The following SMG6 variants were observed in gnomAD, a reference collection of about 807,000 sequenced individuals.
The protein encoded by SMG6 is telomerase-binding protein EST1A.
A neutral mutation model predicts 142.2 loss-of-function variants in SMG6; 66 were observed. The observed-to-expected ratio is 0.46, with a 90% CI of 0.38 to 0.57. SMG6 has a LOEUF of 0.57. Ranked by LOEUF, SMG6 falls within the 20% of genes least tolerant of loss-of-function variation. The pLI is 0.00. For synonymous variants in SMG6, 779 were observed against 702.4 expected (o/e 1.11, Z -1.72); for missense variants, 1,793 against 1,832.0 (o/e 0.98, Z 0.39).
intron 8 of SMG6, among the ~76,000 whole-genome samples, chr17:2,250,234 G>C (rs1321019123): frequency 6.6e-6 from 1 of 152,136 alleles, no homozygotes; most frequent in Admixed American, 6.6e-5. Context: ...TGCTTCTACA[G>C]AGTCGTGTGA....
chr17:2,112,234 G>T (rs2069344367), intron 13 of SMG6, among the ~76,000 whole-genome samples: 1 of 151,930 alleles, frequency 6.6e-6, no homozygotes, highest in Non-Finnish European at 1.5e-5. Context: ...GCCGGGCGCG[G>T]TGGCTCACGC....
At chr17:2,067,015 A>G (rs573875166) in intron 16 of SMG6, among the ~76,000 whole-genome samples, 12 of 152,300 alleles carry the variant, frequency 7.9e-5, no homozygotes, top group Middle Eastern at 3.4e-3. Flanking sequence ...ACGTGAGTCT[A>G]CCAAGGAAAG....
At chr17:2,252,282 C>A (rs551085200) in intron 8 of SMG6, among the ~76,000 whole-genome samples, 4 of 152,020 alleles carry the variant, frequency 2.6e-5, no homozygotes, top group African/African-American at 9.6e-5. Context: ...TGCCTATAGT[C>A]CCAGCTACTC....
At chr17:2,152,931 T>A (rs1225169596) in intron 13 of SMG6, among the ~76,000 whole-genome samples, 1 of 152,154 alleles carries the variant, frequency 6.6e-6, no homozygotes, top group African/African-American at 2.4e-5. Flanking sequence ...ATAGCCCAAA[T>A]GTTCAACTGG....
At chr17:2,144,337 G>A (rs1427508028) in intron 13 of SMG6, among the ~76,000 whole-genome samples, 1 of 152,036 alleles carries the variant, frequency 6.6e-6, no homozygotes, top group Non-Finnish European at 1.5e-5. Context: ...AACATGCTGC[G>A]GTTACAGGCG....
chr17:2,212,192 A>G (rs1567687037), intron 10 of SMG6, among the ~76,000 whole-genome samples: 1 of 152,210 alleles, frequency 6.6e-6, no homozygotes, highest in Non-Finnish European at 1.5e-5. Context: ...TTTCAAATGC[A>G]TTTTCCAATG....
At chr17:2,203,686 T>G (rs1286407915) in intron 10 of SMG6, among the ~76,000 whole-genome samples, 2 of 152,068 alleles carry the variant, frequency 1.3e-5, no homozygotes, top group Admixed American at 1.3e-4. Flanking sequence ...TAGAAGGAAG[T>G]TTTCCTGTTA....
In SMG6 at chr17:2,191,245, A is replaced by G. The variant is rs191812101; in HGVS notation, c.2870-2730T>C. ...TCATGGGCTGCTCTTGGCCTCACGT[A>G]GGCTTCCACAGGCTAGAAACCGTAA... On this transcript the variant is annotated intron_variant, in intron 10 of 18. Transcript: ENST00000263073. Among the ~76,000 whole-genome samples the G allele has an allele frequency of 6.6e-5, 10 of 152,314 alleles. No individual in the cohort carries two copies. In the East Asian group the frequency reaches 1.9e-3, roughly 29 times the overall value.
Position 2,059,988 on chromosome 17 carries a change from T to C in SMG6, c.*1504A>G, listed in dbSNP as rs571374034. 2 of 152,396 alleles carry C rather than the reference T, an allele frequency of 1.3e-5. No individual in the cohort carries two copies. Among genetic ancestry groups the C allele is most frequent in the African/African-American group, 4.8e-5 (2 of 41,578 alleles). 9.4% of individuals were successfully genotyped at this position (152,396 alleles called of 1,614,324 possible). Reference sequence around the variant, plus strand: ...CTTAAAGGAGAGGCCGGGGACCCTGTACTCCAAAGAGCCCAGTCTTCTGAG... The same window carrying C: ...CTTAAAGGAGAGGCCGGGGACCCTGCACTCCAAAGAGCCCAGTCTTCTGAG... On this transcript the variant is annotated 3_prime_UTR_variant, in exon 19 of 19. Coordinates refer to ENST00000263073, the MANE Select transcript of SMG6 (RefSeq NM_017575.5).
Position 2,230,305 on chromosome 17 carries a change from C to CAAAA in SMG6, c.2869+6183_2869+6186dup, listed in dbSNP as rs869124628. 1.2e-4 allele frequency among the ~76,000 whole-genome samples: 2 copies of CAAAA among 16,272 alleles called. 1 individual carries two copies. The highest frequency in any genetic ancestry group is 5.2e-4 in the African/African-American group (2 of 3,834). 10.7% of individuals were successfully genotyped at this position (16,272 alleles called of 152,430 possible). On this transcript the variant is annotated intron_variant, in intron 10 of 18. Coordinates refer to ENST00000263073, the MANE Select transcript of SMG6 (RefSeq NM_017575.5). The stretch of plus-strand genomic sequence containing the variant: ...CCTTCAGAATAAGTCCATGTCGGGG[C>CAAAA]AAAAAAAAAAAAAAAAAAAAAAAAA...
Position 2,237,641 on chromosome 17 carries a change from G to A in SMG6, c.2724-1004C>T. Reference sequence around the variant, plus strand: ...AGTGCCACTCCCAATACAGGAAGAGGCTGTAACGCAGGGAGGCAGAAATCT... The same window carrying A: ...AGTGCCACTCCCAATACAGGAAGAGACTGTAACGCAGGGAGGCAGAAATCT... On this transcript the variant is annotated intron_variant, in intron 9 of 18. Coordinates refer to ENST00000263073, the MANE Select transcript of SMG6 (RefSeq NM_017575.5). 4 of 843,294 alleles carry A rather than the reference G, an allele frequency of 4.7e-6. No individual in the cohort carries two copies. In the South Asian group the frequency reaches 2.2e-4, roughly 46 times the overall value. 52.2% of individuals were successfully genotyped at this position (843,294 alleles called of 1,614,324 possible).
Position 2,237,462 on chromosome 17 carries a change from G to A in SMG6, c.2724-825C>T, listed in dbSNP as rs1159594813. The A allele has an allele frequency of 2.8e-5, 27 of 966,542 alleles. No homozygotes were observed. The East Asian group carries it at 1.8e-3, about 66-fold the overall frequency. 59.9% of individuals were successfully genotyped at this position (966,542 alleles called of 1,614,324 possible). A position where few individuals can be genotyped will look rare whatever the true frequency, so the allele number is the denominator to read the frequency against. The stretch of plus-strand genomic sequence containing the variant: ...TATCACACTGACTGTTCCGCCTAAC[G>A]ATCCCAAATTTCCCCTTGAAGAATG... On this transcript the variant is annotated intron_variant, in intron 9 of 18. Transcript: ENST00000263073.
intron 13 of SMG6, among the ~76,000 whole-genome samples, chr17:2,103,507 G>A (rs1003249758): frequency 6.6e-6 from 1 of 152,176 alleles, no homozygotes; most frequent in African/African-American, 2.4e-5. Flanking sequence ...GCTACAGAGC[G>A]GAAAATTTCT....
intron 13 of SMG6, among the ~76,000 whole-genome samples, chr17:2,104,008 A>G (rs2069084552): frequency 6.6e-6 from 1 of 151,304 alleles, no homozygotes; most frequent in Non-Finnish European, 1.5e-5. Flanking sequence ...CAGGAGTGTA[A>G]TGGCACGATC....
chr17:2,205,956 G>C (rs1297770372), intron 10 of SMG6, among the ~76,000 whole-genome samples: 1 of 152,092 alleles, frequency 6.6e-6, no homozygotes, highest in East Asian at 1.9e-4. Flanking sequence ...CTACAGATGT[G>C]TGCCACCATG....
intron 13 of SMG6, among the ~76,000 whole-genome samples, chr17:2,131,215 A>G (rs1429077067): frequency 2.0e-5 from 3 of 152,198 alleles, no homozygotes; most frequent in Admixed American, 2.0e-4. Context: ...GAGAGACTAG[A>G]GACTAGTGTA....
chr17:2,228,564 C>G (rs2073382495), intron 10 of SMG6, among the ~76,000 whole-genome samples: 2 of 151,878 alleles, frequency 1.3e-5, no homozygotes, highest in Admixed American at 1.3e-4. Context: ...GGTTTCCCCA[C>G]GTTGACCAGG....
chr17:2,079,654 G>C (rs573252270), intron 15 of SMG6, among the ~76,000 whole-genome samples: 2 of 152,072 alleles, frequency 1.3e-5, no homozygotes, highest in East Asian at 3.9e-4. Context: ...AAGCTGTTTT[G>C]AGGATCATGC....
Position 2,061,400 on chromosome 17 carries a change from G to A in SMG6, c.*92C>T. The A allele has an allele frequency of 1.6e-6, 2 of 1,275,082 alleles. No individual in the cohort carries two copies. The highest frequency in any genetic ancestry group is 1.1e-6 in the Non-Finnish European group (1 of 928,176). 79.0% of individuals were successfully genotyped at this position (1,275,082 alleles called of 1,614,324 possible). On this transcript the variant is annotated 3_prime_UTR_variant, in exon 19 of 19. Coordinates refer to ENST00000263073, the MANE Select transcript of SMG6 (RefSeq NM_017575.5). ...GGTTTATTGTCTGGGTGGATTGGTGGCTCAGGCACGTGGGCATCTTCCGTG... is the reference window on the plus strand; with the variant it reads ...GGTTTATTGTCTGGGTGGATTGGTGACTCAGGCACGTGGGCATCTTCCGTG...
Sources: gnomAD v4.1 joint callset for allele counts (sites outside exome capture counted in the v4.1 genomes callset) on GRCh38, gnomAD v4.1.1 for gene constraint, MANE v1.5 for transcripts, NCBI Gene and HGNC (gene_info 2026-07-23, HGNC 2026-07-21) for gene names.